SLC25A12: variants seen among roughly 807,000 people sequenced by gnomAD.
SLC25A12 encodes the protein electrogenic aspartate/glutamate antiporter SLC25A12, mitochondrial.
SLC25A12 carries 32 observed loss-of-function variants against 83.3 expected under a neutral mutation model. The ratio of observed to expected loss-of-function variants is 0.38; its 90% confidence interval spans 0.29 to 0.52. The LOEUF (loss-of-function observed/expected upper bound fraction) is 0.52, where lower values mean the gene tolerates loss of function less well. Ranked by LOEUF, SLC25A12 falls within the 20% of genes least tolerant of loss-of-function variation. The pLI is 0.84. For missense variants in SLC25A12, 611 were observed against 835.6 expected, an observed-to-expected ratio of 0.73 and a Z score of 3.31; for synonymous variants, 267 against 291.1, an observed-to-expected ratio of 0.92 and a Z score of 0.84.
chr2:171,836,945 T>TACACACACACACATGC (rs1684569742), intron 6 of SLC25A12, among the ~76,000 whole-genome samples, 176 bp downstream of exon 6: 1 of 146,554 alleles, frequency 6.8e-6, no homozygotes, highest in Non-Finnish European at 1.5e-5. Context: ...TACATTCACG[T>TACACACACACACATGC]ACACACACAC....
intron 13 of SLC25A12, among the ~76,000 whole-genome samples, chr2:171,803,474 T>G (rs1683755022): frequency 6.6e-6 from 1 of 152,068 alleles, no homozygotes; most frequent in Admixed American, 6.6e-5. Flanking sequence ...TAGGCAAAAA[T>G]TCTGAATAGA....
At chr2:171,830,549 T>C (rs1193481554) in intron 8 of SLC25A12, among the ~76,000 whole-genome samples, 1 of 152,154 alleles carries the variant, frequency 6.6e-6, no homozygotes, top group Non-Finnish European at 1.5e-5. Flanking sequence ...AATCTCATAA[T>C]GTTGCCCAGG....
intron 8 of SLC25A12, among the ~76,000 whole-genome samples, chr2:171,829,396 T>C (rs1574704117): frequency 6.6e-6 from 1 of 152,204 alleles, no homozygotes; most frequent in East Asian, 1.9e-4. Flanking sequence ...AACCGGATAT[T>C]GTGGATGACC....
intron 5 of SLC25A12, among the ~76,000 whole-genome samples, chr2:171,839,409 G>A (rs1201891631): frequency 6.6e-6 from 1 of 152,138 alleles, no homozygotes; most frequent in Non-Finnish European, 1.5e-5. Context: ...TAGGTAGGTA[G>A]GTGGATAGGA....
intron 9 of SLC25A12, among the ~76,000 whole-genome samples, chr2:171,818,667 G>C (rs762328301): frequency 1.5e-4 from 23 of 151,920 alleles, no homozygotes; most frequent in Non-Finnish European, 1.5e-5. Context: ...AGCTACTTGA[G>C]AGGCTGAAGT....
intron 2 of SLC25A12, among the ~76,000 whole-genome samples, chr2:171,879,198 A>G (rs1206496883): frequency 6.6e-6 from 1 of 152,222 alleles, no homozygotes; most frequent in African/African-American, 2.4e-5. Flanking sequence ...AATCAACTAC[A>G]TGAGCATTAG....
chr2:171,857,895 C>A (rs190992623), intron 3 of SLC25A12, among the ~76,000 whole-genome samples: 1 of 151,554 alleles, frequency 6.6e-6, no homozygotes, highest in African/African-American at 2.4e-5. Context: ...GAGTGAGACC[C>A]AAGTGAGACC....
At chr2:171,847,859 T>C (rs1425159328) in intron 4 of SLC25A12, among the ~76,000 whole-genome samples, 1 of 152,170 alleles carries the variant, frequency 6.6e-6, no homozygotes, top group African/African-American at 2.4e-5. Context: ...AGCCTGTCAT[T>C]ATGTTCTCTT....
intron 5 of SLC25A12, among the ~76,000 whole-genome samples, chr2:171,840,829 C>A (rs1418442675): frequency 6.6e-6 from 1 of 152,082 alleles, no homozygotes. Context: ...AAAATAAACT[C>A]ACACCAAGGA....
intron 4 of SLC25A12, among the ~76,000 whole-genome samples, chr2:171,851,830 C>T (rs1404617482): frequency 6.6e-6 from 1 of 152,144 alleles, no homozygotes; most frequent in Non-Finnish European, 1.5e-5. Flanking sequence ...TCACTGCTCC[C>T]GGCCTTTTTT....
Position 171,837,165 on chromosome 2 carries a change from T to G in SLC25A12, c.568A>C (p.Arg190=), listed in dbSNP as rs374844614. ...LDFSDIMVTI[R]SHMLTPFVEE... ...ACAAAAGGAGTAAGCATGTGAGATC[T>G]AATGGTAACCATGATGTCACTGAAA... Residue 190 remains arginine, a synonymous_variant, in exon 6 of 18, where the codon AGA becomes CGA. Coordinates refer to ENST00000422440, the MANE Select transcript of SLC25A12 (RefSeq NM_003705.5). The G allele has an allele frequency of 1.2e-6, 2 of 1,613,938 alleles. No homozygotes were observed. The highest frequency in any genetic ancestry group is 2.7e-5 in the African/African-American group (2 of 74,938).
rs1377391519 is a variant in SLC25A12 at position 171,784,564 on chromosome 2, C to CT, written c.*709dup. On this transcript the variant is annotated 3_prime_UTR_variant, in exon 18 of 18. Transcript: ENST00000422440. ...CAGGCGAGGAGCTGCCTAGGAAATG[C>CT]TTTTTGATTGATGAACAGAGGAGGG... is the stretch of plus-strand genomic sequence containing the variant. 6.6e-6 allele frequency: 1 copy of CT among 152,368 alleles called. No individual in the cohort carries two copies. Among genetic ancestry groups the CT allele is most frequent in the East Asian group, 1.9e-4 (1 of 5,192 alleles). The allele number at this position is 152,368 out of a possible 1,614,324, so 9.4% of individuals were successfully genotyped here.
At chr2:171,792,574 C>A (rs1386359689) in intron 14 of SLC25A12, among the ~76,000 whole-genome samples, 1 of 149,578 alleles carries the variant, frequency 6.7e-6, no homozygotes, top group Non-Finnish European at 1.5e-5. Flanking sequence ...GCTGAGAGTA[C>A]AAGTGTGAGC....
intron 3 of SLC25A12, among the ~76,000 whole-genome samples, chr2:171,858,050 C>A: frequency 6.6e-6 from 1 of 151,920 alleles, no homozygotes; most frequent in Admixed American, 6.6e-5. Context: ...CTTCAGTGAC[C>A]TTACAAAGCC....
intron 13 of SLC25A12, among the ~76,000 whole-genome samples, chr2:171,799,333 C>T (rs1683662460): frequency 6.6e-6 from 1 of 152,182 alleles, no homozygotes; most frequent in Non-Finnish European, 1.5e-5. Flanking sequence ...AACTTGTATG[C>T]ATATCTATAT....
At position 171,877,672 on chromosome 2, in the gene SLC25A12, G is replaced by GA. The variant is rs199971332; in HGVS notation, c.67-8850dup. Among the ~76,000 whole-genome samples the GA allele has an allele frequency of 5.8e-3, 544 of 93,130 alleles. 3 individuals carry two copies. The highest frequency in any genetic ancestry group is 0.017 in the African/African-American group (356 of 21,470). The allele number at this position is 93,130 out of a possible 152,430, so 61.1% of individuals were successfully genotyped here. ...CGACCAGAAGAAGACTCCATCCCAG[G>GA]AAAAAAAAAAAAAAAAAGGATGTAT... is the stretch of plus-strand genomic sequence containing the variant. On this transcript the variant is annotated intron_variant, in intron 2 of 17. Transcript: ENST00000422440.
chr2:171,859,402 T>C (rs1685106319), intron 3 of SLC25A12, among the ~76,000 whole-genome samples: 1 of 152,134 alleles, frequency 6.6e-6, no homozygotes, highest in Admixed American at 6.6e-5. Flanking sequence ...AGCCCACAAG[T>C]TCGAGGCTGC....
intron 13 of SLC25A12, among the ~76,000 whole-genome samples, chr2:171,797,065 C>T (rs1416855511): frequency 1.3e-5 from 2 of 152,176 alleles, no homozygotes; most frequent in African/African-American, 4.8e-5. Context: ...TCTTCTAAGA[C>T]TCTATTGATT....
intron 13 of SLC25A12, among the ~76,000 whole-genome samples, chr2:171,800,323 T>TCA (rs60362750): frequency 0.55 from 81,593 of 149,358 alleles, 22,417 homozygotes; most frequent in Middle Eastern, 0.63. Context: ...AACAGATACT[T>TCA]CACACACACA....
Sources: allele counts gnomAD v4.1 joint callset (sites outside exome capture counted in the v4.1 genomes callset), GRCh38; gene constraint gnomAD v4.1.1; transcripts MANE v1.5; gene names NCBI Gene and HGNC (gene_info 2026-07-23, HGNC 2026-07-21).